The following AGBL4 variants were observed in gnomAD, a reference collection of about 807,000 sequenced individuals.
AGBL4 encodes the protein AGBL carboxypeptidase 4, also known as cytosolic carboxypeptidase 6.
A neutral mutation model predicts 66.4 loss-of-function variants in AGBL4; 58 were observed. The ratio of observed to expected loss-of-function variants is 0.87; its 90% CI spans 0.71 to 1.09. The LOEUF (loss-of-function observed/expected upper bound fraction) is 1.09. Among genes scored for constraint, AGBL4 ranks in the 50% least tolerant of loss-of-function variants. The probability of loss-of-function intolerance (pLI) is 0.00; values close to 1 mark genes in which losing one functional copy is unlikely to be tolerated. For missense variants in AGBL4, 579 were observed against 631.0 expected, an observed-to-expected ratio of 0.92 and a Z score of 0.88; for synonymous variants, 234 against 222.9, an observed-to-expected ratio of 1.05 and a Z score of -0.44.
chr1:49,592,882 A>G (rs1310244235), intron 3 of AGBL4, among the ~76,000 whole-genome samples: 2 of 152,208 alleles, frequency 1.3e-5, no homozygotes, highest in Non-Finnish European at 2.9e-5. Context: ...CAATTCCATT[A>G]CTGAGTATAC....
intron 1 of AGBL4, among the ~76,000 whole-genome samples, chr1:49,865,754 G>C (rs1571745200): frequency 6.6e-6 from 1 of 152,216 alleles, no homozygotes; most frequent in African/African-American, 2.4e-5. Context: ...GGCTGAGGCT[G>C]AGATGGATGA....
chr1:49,597,950 T>C (rs951853479), intron 3 of AGBL4, among the ~76,000 whole-genome samples: 1 of 152,210 alleles, frequency 6.6e-6, no homozygotes, highest in African/African-American at 2.4e-5. Context: ...TACACAATCA[T>C]GTCATCTGCA....
At chr1:48,955,058 C>T (rs1385320820) in intron 5 of AGBL4, among the ~76,000 whole-genome samples, 3 of 152,118 alleles carry the variant, frequency 2.0e-5, no homozygotes. Context: ...AGAATTGGGC[C>T]TGTATTTCCC....
chr1:49,786,346 A>G (rs1156262236), intron 2 of AGBL4, among the ~76,000 whole-genome samples: 1 of 152,130 alleles, frequency 6.6e-6, no homozygotes, highest in Non-Finnish European at 1.5e-5. Context: ...TTAGCACCTT[A>G]AAGTAAGAAA....
intron 6 of AGBL4, among the ~76,000 whole-genome samples, chr1:48,866,331 C>T (rs1170618951): frequency 2.6e-5 from 4 of 152,144 alleles, no homozygotes; most frequent in Non-Finnish European, 5.9e-5. Context: ...CCCTGAGACC[C>T]ACAAACCTGC....
chr1:49,416,871 T>C (rs1645437421), intron 3 of AGBL4, among the ~76,000 whole-genome samples: 1 of 151,962 alleles, frequency 6.6e-6, no homozygotes, highest in Admixed American at 6.6e-5. Context: ...CATGCAACAA[T>C]GGCAAAAAAT....
intron 6 of AGBL4, among the ~76,000 whole-genome samples, chr1:48,788,718 G>A (rs1301043726): frequency 6.6e-6 from 1 of 152,126 alleles, no homozygotes; most frequent in Non-Finnish European, 1.5e-5. Flanking sequence ...CACTAACTGT[G>A]AAAATGTAGG....
chr1:49,371,274 TACATACATACATACAC>T (rs1221666320), intron 3 of AGBL4, among the ~76,000 whole-genome samples: 3 of 151,900 alleles, frequency 2.0e-5, no homozygotes, highest in Non-Finnish European at 2.9e-5. Context: ...CATACATACA[TACATACATACATACAC>T]ACACACACAT....
At chr1:49,483,771 A>G (rs988442908) in intron 3 of AGBL4, among the ~76,000 whole-genome samples, 2 of 152,024 alleles carry the variant, frequency 1.3e-5, no homozygotes, top group Non-Finnish European at 2.9e-5. Context: ...TTAAAAAAAA[A>G]AGAAACTTAT....
intron 3 of AGBL4, among the ~76,000 whole-genome samples, chr1:49,304,981 C>T (rs114205167): frequency 0.013 from 1,955 of 152,146 alleles, 41 homozygotes; most frequent in African/African-American, 0.045. Flanking sequence ...AACTGTTCTA[C>T]GTACTTTATA....
chr1:49,105,744 C>G (rs1214591971), intron 4 of AGBL4, among the ~76,000 whole-genome samples: 1 of 152,144 alleles, frequency 6.6e-6, no homozygotes, highest in Non-Finnish European at 1.5e-5. Flanking sequence ...ATAGCTACCT[C>G]ATAAGAGTAC....
intron 2 of AGBL4, among the ~76,000 whole-genome samples, chr1:49,745,982 A>G (rs996159740): frequency 6.6e-6 from 1 of 152,068 alleles, no homozygotes; most frequent in African/African-American, 2.4e-5. Flanking sequence ...GAAATTATGC[A>G]TAATTAAATC....
In AGBL4 at chr1:49,977,888, A is replaced by G. The variant is rs567227088; in HGVS notation, c.34+45875T>C. Reference sequence around the variant, plus strand: ...TCTCTAGGCCTGCTGCCTAGCCATTATCTTCCAATTCTCTTTCACTATCAT... The same window carrying G: ...TCTCTAGGCCTGCTGCCTAGCCATTGTCTTCCAATTCTCTTTCACTATCAT... On this transcript the variant is annotated intron_variant, in intron 1 of 13. Coordinates refer to ENST00000371839, the MANE Select transcript of AGBL4 (RefSeq NM_032785.4). Among the ~76,000 whole-genome samples, 19 of 152,298 alleles carry G rather than the reference A, an allele frequency of 1.2e-4. No homozygotes were observed. In the South Asian group the frequency reaches 3.9e-3, roughly 32 times the overall value.
chr1:49,959,967 G>C (rs1417653228), intron 1 of AGBL4, among the ~76,000 whole-genome samples: 3 of 151,810 alleles, frequency 2.0e-5, no homozygotes, highest in South Asian at 4.2e-4. Flanking sequence ...GCTAAACGAA[G>C]AATACATGAA....
At chr1:49,463,551 G>A (rs1187895607) in intron 3 of AGBL4, among the ~76,000 whole-genome samples, 1 of 151,672 alleles carries the variant, frequency 6.6e-6, no homozygotes, top group Non-Finnish European at 1.5e-5. Context: ...AGATAAAAAG[G>A]ATGTTCCTTC....
Position 49,844,885 on chromosome 1 carries a change from C to T in AGBL4, c.157+6511G>A, listed in dbSNP as rs1646096099. 8 of 1,426,378 alleles carry T rather than the reference C, an allele frequency of 5.6e-6. No homozygotes were observed. In the Admixed American group the frequency reaches 8.6e-5, roughly 15 times the overall value. 88.4% of individuals were successfully genotyped at this position (1,426,378 alleles called of 1,614,324 possible). A position where few individuals can be genotyped will look rare whatever the true frequency, so the allele number is the denominator to read the frequency against. On this transcript the variant is annotated intron_variant, in intron 2 of 13. Transcript: ENST00000371839. ...CCTGGCAGTGCTGGCAGCCTTGATG[C>T]CTTTGAAGATGCCTGTTCAGGAGCA...
At chr1:49,050,050 A>G (rs1166286422) in intron 4 of AGBL4, among the ~76,000 whole-genome samples, 1 of 152,062 alleles carries the variant, frequency 6.6e-6, no homozygotes, top group Admixed American at 6.6e-5. Context: ...AAGACCCCAG[A>G]AAGAAAATGG....
intron 1 of AGBL4, among the ~76,000 whole-genome samples, chr1:49,954,840 T>C (rs1557615932): frequency 2.6e-5 from 4 of 151,924 alleles, no homozygotes; most frequent in African/African-American, 9.7e-5. Flanking sequence ...GAAAAAAATA[T>C]AGAAGGATTC....
At chr1:49,753,776 C>CT (rs1479192473) in intron 2 of AGBL4, among the ~76,000 whole-genome samples, 1 of 152,090 alleles carries the variant, frequency 6.6e-6, no homozygotes, top group Non-Finnish European at 1.5e-5. Context: ...CCTTTTCATT[C>CT]TTTTTTCTCT....
Sources: allele counts gnomAD v4.1 joint callset (sites outside exome capture counted in the v4.1 genomes callset), GRCh38; gene constraint gnomAD v4.1.1; transcripts MANE v1.5; gene names NCBI Gene and HGNC (gene_info 2026-07-23, HGNC 2026-07-21).